Variants in NGRN observed in about 807,000 individuals in gnomAD.
NGRN encodes neugrin, neurite outgrowth associated, also known as neugrin.
NGRN carries 12 observed loss-of-function variants against 13.1 expected under a neutral mutation model. The ratio of observed to expected loss-of-function variants is 0.92; its 90% CI spans 0.59 to 1.49. The LOEUF (loss-of-function observed/expected upper bound fraction) is 1.49. Among genes scored for constraint, NGRN ranks in the 40% most tolerant of loss-of-function variants. NGRN has a pLI of 0.00. For synonymous variants in NGRN, 149 were observed against 145.8 expected, an observed-to-expected ratio of 1.02 and a Z score of -0.16; for missense variants, 397 against 357.0, an observed-to-expected ratio of 1.11 and a Z score of -0.90.
chr15:90,265,919 G>C, intron 1 of NGRN, 43 bp downstream of exon 1: 2 of 1,445,750 alleles, frequency 1.4e-6, no homozygotes, highest in Non-Finnish European at 1.8e-6. Context: ...GCAGGGCCTC[G>C]TGCCCCGGCG....
Position 90,271,742 on chromosome 15 carries a change from G to A in NGRN, c.830G>A (p.Gly277Asp). ...TTCAGCAGCAAAGTAGTGCAGAGGG[G>A]CCGAGAGTTCTTTGACAGCAACGGG... Reference protein sequence around the residue: ...DNFSSKVVQRGREFFDSNGNF... With the variant: ...DNFSSKVVQRDREFFDSNGNF... Residue 277 changes from glycine (G) to aspartate (D), a missense_variant, in exon 3 of 3, where the codon GGC (glycine) becomes GAC (aspartate). Physicochemically the swap from Gly to Asp is moderately conservative, Grantham distance 94 (BLOSUM62 -1). Coordinates refer to ENST00000379095, the MANE Select transcript of NGRN (RefSeq NM_001033088.3). 6.2e-7 allele frequency: 1 copy of A among 1,614,194 alleles called. No individual in the cohort carries two copies. The highest frequency in any genetic ancestry group is 2.2e-5 in the East Asian group (1 of 44,884).
chr15:90,265,958 T>A, intron 1 of NGRN, 82 bp downstream of exon 1: 1 of 1,428,232 alleles, frequency 7.0e-7, no homozygotes, highest in Non-Finnish European at 9.1e-7. Context: ...TGGCGCCGGG[T>A]GTCCTGCCGC....
Position 90,271,844 on chromosome 15 carries a change from G to C in NGRN, c.*56G>C. ...GAAACACAGCTGGGCAAGTATTAAT[G>C]TATATGGAACAGCCTGGATTTCTGC... On this transcript the variant is annotated 3_prime_UTR_variant, in exon 3 of 3. Coordinates refer to ENST00000379095, the MANE Select transcript of NGRN (RefSeq NM_001033088.3). 1.3e-6 allele frequency: 2 copies of C among 1,589,812 alleles called. No individual in the cohort carries two copies. The highest frequency in any genetic ancestry group is 1.7e-6 in the Non-Finnish European group (2 of 1,167,382).
Position 90,271,378 on chromosome 15 carries a change from T to G in NGRN, c.466T>G (p.Ser156Ala). 1 of 1,614,020 alleles carries G rather than the reference T, an allele frequency of 6.2e-7. No individual in the cohort carries two copies. The highest frequency in any genetic ancestry group is 8.5e-7 in the Non-Finnish European group (1 of 1,179,998). Residue 156 changes from serine to alanine, a missense_variant, in exon 3 of 3, where the codon TCT becomes GCT. By Grantham distance (99) the Ser-to-Ala change is moderately conservative. Coordinates refer to ENST00000379095, the MANE Select transcript of NGRN (RefSeq NM_001033088.3). ...LAHSLQHLRG[S>A]GNTSKLLPAG... ...CCACTCGCTGCAGCACCTCCGGGGC[T>G]CTGGAAATACCTCAAAGCTGCTCCC...
At chr15:90,269,074 C>T (rs929837561) in intron 2 of NGRN, among the ~76,000 whole-genome samples, 2 of 145,380 alleles carry the variant, frequency 1.4e-5, no homozygotes, top group African/African-American at 2.6e-5. Flanking sequence ...TGGCTCACTG[C>T]AACCTCTGCC....
chr15:90,270,061 CCTTTTTTT>C (rs1193853843), intron 2 of NGRN, among the ~76,000 whole-genome samples: 1 of 152,092 alleles, frequency 6.6e-6, no homozygotes, highest in Non-Finnish European at 1.5e-5. Context: ...AGGTTGAATT[CCTTTTTTT>C]CTTTTTTTAA....
At chr15:90,269,739 TCA>T (rs1963478741) in intron 2 of NGRN, among the ~76,000 whole-genome samples, 1 of 152,160 alleles carries the variant, frequency 6.6e-6, no homozygotes, top group African/African-American at 2.4e-5. Flanking sequence ...GTTTTGGATA[TCA>T]CAGTTTCCTC....
At position 90,266,362 on chromosome 15, in the gene NGRN, C is replaced by G. The variant is rs1963420579; in HGVS notation, c.239C>G (p.Pro80Arg). The G allele has an allele frequency of 1.9e-6, 3 of 1,613,896 alleles. No individual in the cohort carries two copies. The South Asian group carries it at 3.3e-5, about 18-fold the overall frequency. Reference protein sequence around the residue: ...RRQMEAPGAPPRTLTWEAMEQ... With the variant: ...RRQMEAPGAPRRTLTWEAMEQ... ...CAAATGGAGGCGCCTGGTGCCCCGC[C>G]CAGGACCCTGACGTGGGAAGCCATG... The change falls in exon 2 of 3, where the codon CCC becomes CGC. Residue 80 changes from proline to arginine, a missense_variant. Pro to Arg is a moderately radical substitution (Grantham distance 103). Coordinates refer to ENST00000379095, the MANE Select transcript of NGRN (RefSeq NM_001033088.3).
intron 2 of NGRN, among the ~76,000 whole-genome samples, 194 bp from the exon 3 acceptor site, chr15:90,270,994 A>T (rs1410428244): frequency 6.6e-6 from 1 of 152,056 alleles, no homozygotes; most frequent in Non-Finnish European, 1.5e-5. Flanking sequence ...TCGGAGGCTC[A>T]GGCACAAGAA....
Position 90,265,826 on chromosome 15 carries a change from CCCCGATTCCGACTGGGAGCCGGAG to C in NGRN, c.115_138del (p.Pro39_Glu46del), listed in dbSNP as rs1249805617. ...CAGGCCCTATTGGCCGGGAGCCGGA[CCCCGATTCCGACTGGGAGCCGGAG>C]GAACGGGAGCTGCAGGAGGTGGAGA... On this transcript the variant is annotated inframe_deletion, in exon 1 of 3. Transcript: ENST00000379095. 7 of 1,609,358 alleles carry C rather than the reference CCCCGATTCCGACTGGGAGCCGGAG, an allele frequency of 4.3e-6. No homozygotes were observed. Among genetic ancestry groups the C allele is most frequent in the Non-Finnish European group, 5.9e-6 (7 of 1,177,972 alleles).
chr15:90,271,803 T>TA lies in NGRN; in HGVS notation c.*16dup, dbSNP rs769799674. 74 of 1,610,592 alleles carry TA rather than the reference T, an allele frequency of 4.6e-5. No individual in the cohort carries two copies. The African/African-American group carries it at 9.5e-4, about 21-fold the overall frequency. On this transcript the variant is annotated 3_prime_UTR_variant, in exon 3 of 3. Transcript: ENST00000379095. ...ACAGAATTTGAGTCGGGGCTTGGCT[T>TA]ATGGAGATGCCTCGTGAAACACAGC...
At chr15:90,265,984 C>T (rs1486641334) in intron 1 of NGRN, 108 bp downstream of exon 1, 1 of 1,423,246 alleles carries the variant, frequency 7.0e-7, no homozygotes, top group Non-Finnish European at 9.1e-7. Context: ...GCGCAGCGGC[C>T]CTTGTTTCTT....
chr15:90,267,102 G>A (rs886932400), intron 2 of NGRN, among the ~76,000 whole-genome samples: 119 of 150,452 alleles, frequency 7.9e-4, no homozygotes, highest in African/African-American at 2.8e-3. Flanking sequence ...TGTGATCACC[G>A]GTCACTGCAG....
In NGRN at chr15:90,268,030, G is replaced by A. The variant is rs548996834; in HGVS notation, c.275+1632G>A. Reference sequence around the variant, plus strand: ...GTTTGTTTGTTTTTTGTTTGAGGCAGTCTCACTCTGTCGCCCAGGCCAGAG... The same window carrying A: ...GTTTGTTTGTTTTTTGTTTGAGGCAATCTCACTCTGTCGCCCAGGCCAGAG... On this transcript the variant is annotated intron_variant, in intron 2 of 2. Transcript: ENST00000379095. 2.6e-5 allele frequency among the ~76,000 whole-genome samples: 4 copies of A among 152,212 alleles called. No individual in the cohort carries two copies. In the South Asian group the frequency reaches 8.3e-4, roughly 32 times the overall value.
chr15:90,265,753 G>T lies in NGRN; in HGVS notation c.41G>T (p.Cys14Phe), dbSNP rs1596199430. Residue 14 changes from cysteine to phenylalanine, a missense_variant, in exon 1 of 3, where the codon TGC (cysteine) becomes TTC (phenylalanine). Transcript: ENST00000379095. ...AGTCTCTTGCTGGGCGGGCGCGTTT[G>T]CGCCGCCGTCACTCGCTGTGGGTTC... ...TLSLLLGGRV[C>F]AAVTRCGFAT... is the part of the protein sequence containing the mutation. The T allele has an allele frequency of 2.5e-6, 4 of 1,613,220 alleles. No individual in the cohort carries two copies. Among genetic ancestry groups the T allele is most frequent in the Non-Finnish European group, 3.4e-6 (4 of 1,179,848 alleles).
Position 90,269,162 on chromosome 15 carries a change from ATTTTTTTTTTTTT to A in NGRN, c.276-2013_276-2001del, listed in dbSNP as rs34266380. On this transcript the variant is annotated intron_variant, in intron 2 of 2. Transcript: ENST00000379095. The stretch of plus-strand genomic sequence containing the variant: ...AGGTGCACACCACTATACCTGGCTA[ATTTTTTTTTTTTT>A]TTTTTTTTTTTTGGATTTTTAGTAG... 4.4e-4 allele frequency among the ~76,000 whole-genome samples: 39 copies of A among 89,632 alleles called. No homozygotes were observed. In the South Asian group the frequency reaches 0.012, roughly 29 times the overall value. 58.8% of individuals were successfully genotyped at this position (89,632 alleles called of 152,430 possible). A position where few individuals can be genotyped will look rare whatever the true frequency, so the allele number is the denominator to read the frequency against.
rs376127405 is a variant in NGRN, at chr15:90,271,182, C to T, written c.276-6C>T. The T allele has an allele frequency of 5.6e-6, 9 of 1,604,480 alleles. No individual in the cohort carries two copies. In the African/African-American group the frequency reaches 1.2e-4, roughly 22 times the overall value. ...CAACTTGCAAACCTGCTCCTTCTTC[C>T]CGTAGGTATTTACATGAGGAATTTC... On this transcript the variant is annotated splice_region_variant and splice_polypyrimidine_tract_variant and intron_variant, in intron 2 of 2. Coordinates refer to ENST00000379095, the MANE Select transcript of NGRN (RefSeq NM_001033088.3).
intron 2 of NGRN, among the ~76,000 whole-genome samples, chr15:90,267,011 C>T (rs1963434313): frequency 6.6e-6 from 1 of 151,590 alleles, no homozygotes; most frequent in African/African-American, 2.4e-5. Flanking sequence ...ATTTGTCCCA[C>T]CCACTCTCCT....
chr15:90,269,991 C>T (rs1258569198), intron 2 of NGRN, among the ~76,000 whole-genome samples: 3 of 152,250 alleles, frequency 2.0e-5, no homozygotes, highest in Non-Finnish European at 4.4e-5. Flanking sequence ...ATCTGGATTA[C>T]TGTAAAAGCC....
Sources: gnomAD v4.1 joint callset for allele counts (sites outside exome capture counted in the v4.1 genomes callset) on GRCh38, gnomAD v4.1.1 for gene constraint, MANE v1.5 for transcripts, NCBI Gene and HGNC (gene_info 2026-07-23, HGNC 2026-07-21) for gene names.